The following YME1L1 variants were observed in gnomAD, a reference collection of about 807,000 sequenced individuals.
The protein encoded by YME1L1 is YME1 like 1 ATPase, also known as ATP-dependent zinc metalloprotease YME1L1.
A neutral mutation model predicts 90.4 loss-of-function variants in YME1L1; 39 were observed. The observed-to-expected ratio is 0.43, with a 90% CI of 0.33 to 0.56. YME1L1 has a LOEUF of 0.56. YME1L1 is among the 20% of genes least tolerant of loss of function. The pLI is 0.03. For synonymous variants in YME1L1, 284 were observed against 287.3 expected, an observed-to-expected ratio of 0.99 and a Z score of 0.12; for missense variants, 617 against 868.4, an observed-to-expected ratio of 0.71 and a Z score of 3.64.
intron 4 of YME1L1, 72 bp from the exon 5 acceptor site, chr10:27,136,457 G>T: frequency 8.2e-7 from 1 of 1,222,510 alleles, no homozygotes; most frequent in Non-Finnish European, 1.2e-6. Flanking sequence ...AGATTCTAAA[G>T]TCTGACACCC....
chr10:27,144,047 T>G (rs1250064888), intron 3 of YME1L1, among the ~76,000 whole-genome samples: 1 of 152,160 alleles, frequency 6.6e-6, no homozygotes, highest in African/African-American at 2.4e-5. Context: ...AGTTAGAATT[T>G]AGGGACTTTT....
At chr10:27,148,079 T>A (rs113726897) in intron 2 of YME1L1, among the ~76,000 whole-genome samples, 37 of 152,296 alleles carry the variant, frequency 2.4e-4, no homozygotes, top group African/African-American at 7.0e-4. Context: ...GCTCCCTAAA[T>A]CTGCTGGTCC....
At chr10:27,122,693 G>A in intron 11 of YME1L1, 148 bp downstream of exon 11, 1 of 1,023,150 alleles carries the variant, frequency 9.8e-7, no homozygotes, top group South Asian at 1.6e-5. Flanking sequence ...TCTTGCATGA[G>A]GGACTACTCT....
chr10:27,135,588 A>G (rs1234754719), intron 5 of YME1L1, among the ~76,000 whole-genome samples: 2 of 152,220 alleles, frequency 1.3e-5, no homozygotes, highest in African/African-American at 4.8e-5. Flanking sequence ...GCATGAATCA[A>G]TAGCCTTCAG....
At chr10:27,122,787 T>C in intron 11 of YME1L1, 54 bp downstream of exon 11, 5 of 1,601,392 alleles carry the variant, frequency 3.1e-6, no homozygotes, top group Non-Finnish European at 4.3e-6. Context: ...ATTCTACGTA[T>C]ATCAAATGCT....
chr10:27,148,658 C>G (rs2057172395), intron 2 of YME1L1, among the ~76,000 whole-genome samples: 1 of 152,190 alleles, frequency 6.6e-6, no homozygotes, highest in Non-Finnish European at 1.5e-5. Flanking sequence ...TTTTCTCCAT[C>G]TTACTTTATT....
chr10:27,139,201 A>C (rs527407808), intron 4 of YME1L1, among the ~76,000 whole-genome samples: 1 of 151,894 alleles, frequency 6.6e-6, no homozygotes, highest in East Asian at 1.9e-4. Flanking sequence ...ACATATATAC[A>C]TATATATATT....
chr10:27,134,072 T>C lies in YME1L1; in HGVS notation c.742A>G (p.Ile248Val), dbSNP rs1203483018. 6.2e-7 allele frequency: 1 copy of C among 1,613,670 alleles called. No individual in the cohort carries two copies. Among genetic ancestry groups the C allele is most frequent in the Non-Finnish European group, 8.5e-7 (1 of 1,179,950 alleles). Reference protein sequence around the residue: ...LILFVLLLFGIYGLLKNPFLS... With the variant: ...LILFVLLLFGVYGLLKNPFLS... ...AATGGGTTTTTTAGAAGTCCATAAA[T>C]GCCGAATAGCAGCAGAACGAAGAGA... Residue 248 changes from isoleucine (I) to valine (V), a missense_variant, in exon 7 of 19, where the codon ATT becomes GTT. Ile to Val is a conservative substitution (Grantham distance 29). This residue lies in a region of YME1L1 where 311 missense variants were observed against 335.8 expected (regional missense o/e 0.93). Transcript: ENST00000376016.
intron 2 of YME1L1, chr10:27,147,432 C>T (rs200575646): frequency 2.7e-4 from 431 of 1,613,478 alleles, no homozygotes; most frequent in Non-Finnish European, 3.3e-4. Context: ...TGAACTAAGC[C>T]GTGACTAAGA....
chr10:27,153,998 C>G (rs766510123), intron 1 of YME1L1, among the ~76,000 whole-genome samples, 180 bp downstream of exon 1: 11 of 152,206 alleles, frequency 7.2e-5, no homozygotes, highest in Non-Finnish European at 8.8e-5. Flanking sequence ...ATCGTCAGCA[C>G]TGAAGTCTCC....
chr10:27,113,682 A>C (rs1473901563), intron 18 of YME1L1, among the ~76,000 whole-genome samples: 2 of 151,526 alleles, frequency 1.3e-5, no homozygotes, highest in African/African-American at 2.4e-5. Flanking sequence ...CAAAAAAAAA[A>C]AAAAAAGAAA....
chr10:27,114,378 C>A, intron 18 of YME1L1, 143 bp downstream of exon 18: 1 of 604,386 alleles, frequency 1.7e-6, no homozygotes, highest in South Asian at 2.6e-5. Context: ...ATTTTTTCCC[C>A]AGACACCATG....
At chr10:27,128,584 A>AC (rs1307087142) in intron 8 of YME1L1, among the ~76,000 whole-genome samples, 1 of 150,146 alleles carries the variant, frequency 6.7e-6, no homozygotes, top group Non-Finnish European at 1.5e-5. Context: ...CCGCTCCCCC[A>AC]CCCCCCAAAA....
At chr10:27,140,569 C>A (rs2057077230) in intron 4 of YME1L1, among the ~76,000 whole-genome samples, 1 of 152,134 alleles carries the variant, frequency 6.6e-6, no homozygotes, top group Non-Finnish European at 1.5e-5. Flanking sequence ...ACCTCCGCCT[C>A]CTGGGTTCAA....
At chr10:27,148,751 A>AATGGTAG (rs1554807936) in intron 2 of YME1L1, among the ~76,000 whole-genome samples, 155 bp downstream of exon 2, 1 of 152,040 alleles carries the variant, frequency 6.6e-6, no homozygotes, top group African/African-American at 2.4e-5. Context: ...CTTCCTGGTC[A>AATGGTAG]ATAGTAGGGT....
chr10:27,148,998 G>A lies in YME1L1; in HGVS notation c.76C>T (p.Pro26Ser). Residue 26 changes from proline to serine, a missense_variant, in exon 2 of 19, where the codon CCA (proline) becomes TCA (serine). Physicochemically the swap from Pro to Ser is moderately conservative, Grantham distance 74. Around this residue, in one of 4 missense-constraint regions of YME1L1, gnomAD observed 311 missense variants for 335.8 expected, o/e 0.93. Coordinates refer to ENST00000376016, the MANE Select transcript of YME1L1 (RefSeq NM_014263.4). Reference sequence around the variant, plus strand: ...CTGAGAGAAACAGAAGTGTTTTTTGGTGTATGGAAGGCATTGATGAGATGA... The same window carrying A: ...CTGAGAGAAACAGAAGTGTTTTTTGATGTATGGAAGGCATTGATGAGATGA... ...LSHLINAFHT[P>S]KNTSVSLSGV... The A allele has an allele frequency of 6.2e-7, 1 of 1,613,752 alleles. No individual in the cohort carries two copies. The highest frequency in any genetic ancestry group is 8.5e-7 in the Non-Finnish European group (1 of 1,179,828).
At chr10:27,126,507 A>G (rs2056921164) in intron 9 of YME1L1, among the ~76,000 whole-genome samples, 189 bp downstream of exon 9, 1 of 152,060 alleles carries the variant, frequency 6.6e-6, no homozygotes, top group Non-Finnish European at 1.5e-5. Flanking sequence ...GAAAGTATAT[A>G]AAAACTTGCA....
At chr10:27,142,132 C>A (rs919904677) in intron 4 of YME1L1, among the ~76,000 whole-genome samples, 6 of 151,936 alleles carry the variant, frequency 3.9e-5, no homozygotes, top group Non-Finnish European at 8.8e-5. Flanking sequence ...TGTGGTTAGT[C>A]ATTTATCTTG....
rs747407781 is a variant in YME1L1 at position 27,134,075 on chromosome 10, C to T, written c.739G>A (p.Gly247Ser). 1.2e-5 allele frequency: 19 copies of T among 1,613,056 alleles called. No individual in the cohort carries two copies. Among genetic ancestry groups the T allele is most frequent in the Middle Eastern group, 1.7e-4 (1 of 6,018 alleles). ...RLILFVLLLF[G>S]IYGLLKNPFL... ...GGGTTTTTTAGAAGTCCATAAATGC[C>T]GAATAGCAGCAGAACGAAGAGAATC... The change falls in exon 7 of 19, where the codon GGC becomes AGC. Residue 247 changes from glycine (G) to serine (S), a missense_variant. Physicochemically the swap from Gly to Ser is moderately conservative, Grantham distance 56. Around this residue, in one of 4 missense-constraint regions of YME1L1, gnomAD observed 311 missense variants for 335.8 expected, o/e 0.93. Transcript: ENST00000376016.
Sources: allele counts gnomAD v4.1 joint callset (sites outside exome capture counted in the v4.1 genomes callset), GRCh38; gene constraint gnomAD v4.1.1; regional missense constraint gnomAD v4.1.1; transcripts MANE v1.5; gene names NCBI Gene and HGNC (gene_info 2026-07-23, HGNC 2026-07-21).